Variants in KLHL13 observed in about 807,000 individuals in gnomAD.
KLHL13 encodes kelch-like protein 13.
In KLHL13, 10 loss-of-function variants were observed where a neutral mutation model predicts 37.1. That is an observed-to-expected ratio of 0.27 (90% CI 0.17 to 0.46). KLHL13 has a LOEUF of 0.46. Among genes scored for constraint, KLHL13 ranks in the 20% least tolerant of loss-of-function variants. KLHL13 has a pLI of 1.00. For missense variants in KLHL13, 360 were observed against 509.3 expected (o/e 0.71, Z 2.82); for synonymous variants, 163 against 181.2 (o/e 0.90, Z 0.81).
intron 1 of KLHL13, among the ~76,000 whole-genome samples, chrX:118,101,289 T>C (rs1193093129): frequency 2.7e-5 from 3 of 112,012 alleles, no homozygotes; most frequent in South Asian, 3.8e-4. Flanking sequence ...CAAGGAGTCA[T>C]AATTAGTAAA....
chrX:118,074,760 T>C (rs1321094294), intron 1 of KLHL13, among the ~76,000 whole-genome samples: 4 of 112,032 alleles, frequency 3.6e-5, no homozygotes, highest in Non-Finnish European at 5.6e-5. Flanking sequence ...AAAAATTTGA[T>C]AAGATTTTCT....
At chrX:117,946,482 T>C (rs1933324187) in intron 1 of KLHL13, 1 of 112,174 alleles carries the variant, frequency 8.9e-6, no homozygotes, top group African/African-American at 3.2e-5. Context: ...TGTGCCATTA[T>C]TAATAACCTT....
intron 1 of KLHL13, among the ~76,000 whole-genome samples, chrX:118,075,438 G>A (rs2054919676): frequency 8.9e-6 from 1 of 111,830 alleles, no homozygotes; most frequent in Non-Finnish European, 1.9e-5. Flanking sequence ...GAAGTCAGTG[G>A]ATAAGTTAGA....
intron 1 of KLHL13, among the ~76,000 whole-genome samples, chrX:118,070,216 G>A (rs907263089): frequency 7.1e-5 from 8 of 112,109 alleles, no homozygotes; most frequent in African/African-American, 2.3e-4. Context: ...TATACCTGTC[G>A]TTAAGTGATG....
intron 1 of KLHL13, among the ~76,000 whole-genome samples, chrX:117,996,830 TAAAA>T (rs5903508): frequency 1.4e-4 from 13 of 94,873 alleles, no homozygotes; most frequent in African/African-American, 4.9e-4. Flanking sequence ...ATAGCCTATT[TAAAA>T]AAAAAAAAAA....
At chrX:117,981,824 A>G (rs1257744603) in intron 1 of KLHL13, among the ~76,000 whole-genome samples, 1 of 111,778 alleles carries the variant, frequency 8.9e-6, no homozygotes, top group African/African-American at 3.2e-5. Flanking sequence ...TCGAGCTTGA[A>G]TGGATACTCT....
intron 1 of KLHL13, chrX:117,947,954 C>A (rs1933402455): frequency 8.9e-6 from 1 of 112,153 alleles, no homozygotes; most frequent in African/African-American, 3.2e-5. Context: ...AAAAAAATAA[C>A]AGTTTTTAAT....
rs146887964 is a variant in KLHL13 at position 118,006,000 on chromosome X, T to C, written c.-55-60425A>G. On this transcript the variant is annotated intron_variant, in intron 1 of 6. Coordinates refer to the KLHL13 transcript ENST00000371882. ...AGGGCTGTGCCTGGATGTAGATGTG[T>C]CATTAAATATATGTTTAAGGCCATA... Among the ~76,000 whole-genome samples, 225 of 112,010 alleles carry C rather than the reference T, an allele frequency of 2.0e-3. 10 individuals are homozygous for C. The East Asian group carries it at 0.06, about 30-fold the overall frequency.
chrX:117,925,853 C>T (rs1001613790), intron 2 of KLHL13, among the ~76,000 whole-genome samples: 7 of 111,263 alleles, frequency 6.3e-5, no homozygotes, highest in African/African-American at 2.3e-4. Context: ...ATTAGACCTC[C>T]TTTGTTGTTG....
chrX:117,976,733 C>T (rs755924440), upstream of KLHL13, among the ~76,000 whole-genome samples: 63 of 111,760 alleles, frequency 5.6e-4, no homozygotes, highest in Non-Finnish European at 1.1e-3. Context: ...AGACAACATA[C>T]ATAAAAGCTC....
rs1400955639 is a variant in KLHL13, at chrX:118,032,456, G to A, written c.-56+84052C>T. On this transcript the variant is annotated intron_variant, in intron 1 of 6. Transcript: ENST00000371882. The stretch of plus-strand genomic sequence containing the variant: ...CCCCTGACCCCCAAGCAGCCTAACT[G>A]GGAGGCACCCCCCAGCAGGGGCAGC... Among the ~76,000 whole-genome samples the A allele has an allele frequency of 2.7e-5, 3 of 111,780 alleles. No individual in the cohort carries two copies. In the South Asian group the frequency reaches 1.1e-3, roughly 42 times the overall value.
chrX:118,062,938 G>A (rs1425063898), intron 1 of KLHL13, among the ~76,000 whole-genome samples: 1 of 111,205 alleles, frequency 9.0e-6, no homozygotes, highest in African/African-American at 3.3e-5. Context: ...CTAAGAAACT[G>A]TAGCCAAGAA....
rs1018705370 is a variant in KLHL13 at position 118,098,097 on chromosome X, A to G, written c.-56+18411T>C. ...GACAAATGGGATCTAATGAAACTCA[A>G]GAGCTTCTGCACAGCAAAAGAAACT... On this transcript the variant is annotated intron_variant, in intron 1 of 6. Transcript: ENST00000371882. 1.7e-3 allele frequency among the ~76,000 whole-genome samples: 188 copies of G among 112,156 alleles called. 1 individual carries two copies. Among genetic ancestry groups the G allele is most frequent in the African/African-American group, 6.0e-3 (184 of 30,876 alleles).
intron 1 of KLHL13, among the ~76,000 whole-genome samples, chrX:118,026,564 T>C (rs1283323554): frequency 8.9e-6 from 1 of 111,991 alleles, no homozygotes; most frequent in Non-Finnish European, 1.9e-5. Flanking sequence ...GAAAAGTTTA[T>C]GGGGACAATG....
chrX:117,923,802 G>A (rs1207730444), intron 2 of KLHL13, among the ~76,000 whole-genome samples: 1 of 111,287 alleles, frequency 9.0e-6, no homozygotes, highest in Non-Finnish European at 1.9e-5. Flanking sequence ...CTAAGACACC[G>A]GGAGCTTTTA....
At chrX:117,937,412 T>G (rs371152724) in intron 2 of KLHL13, among the ~76,000 whole-genome samples, 2 of 111,817 alleles carry the variant, frequency 1.8e-5, no homozygotes, top group South Asian at 3.8e-4. Context: ...CAGGTTACTT[T>G]CACATCACTG....
chrX:118,077,865 T>C (rs1193621811), intron 1 of KLHL13, among the ~76,000 whole-genome samples: 10 of 111,634 alleles, frequency 9.0e-5, no homozygotes, highest in Admixed American at 1.9e-4. Context: ...TAGTGAGGCA[T>C]TGTTTTGCAA....
At chrX:117,945,401 C>T (rs184092858) in intron 2 of KLHL13, 33 bp downstream of exon 3, 116 of 1,189,613 alleles carry the variant, frequency 9.8e-5, no homozygotes, top group South Asian at 6.3e-4. Context: ...TTTAAAGCTA[C>T]GTAAACACTA....
At chrX:118,003,978 A>C (rs2147972895) in intron 1 of KLHL13, among the ~76,000 whole-genome samples, 1 of 111,180 alleles carries the variant, frequency 9.0e-6, no homozygotes, top group Non-Finnish European at 1.9e-5. Context: ...GGTGAAATGC[A>C]AACAAAATGA....
Sources: gnomAD v4.1 joint callset for allele counts (sites outside exome capture counted in the v4.1 genomes callset) on GRCh38, gnomAD v4.1.1 for gene constraint, MANE v1.5 for transcripts, NCBI Gene and HGNC (gene_info 2026-07-23, HGNC 2026-07-21) for gene names.